PDE6A: variants seen among roughly 807,000 people sequenced by gnomAD.
The protein encoded by PDE6A is rod cGMP-specific 3',5'-cyclic phosphodiesterase subunit alpha.
A neutral mutation model predicts 106.3 loss-of-function variants in PDE6A; 84 were observed. The observed-to-expected ratio is 0.79, with a 90% CI of 0.66 to 0.95. PDE6A has a LOEUF of 0.95. Among genes scored for constraint, PDE6A ranks in the 40% least tolerant of loss-of-function variants. The pLI, the probability that PDE6A is intolerant of heterozygous loss-of-function variation, is 0.00. For missense variants in PDE6A, 1,052 were observed against 1,084.9 expected (o/e 0.97, Z 0.43); for synonymous variants, 394 against 386.6 (o/e 1.02, Z -0.23).
intron 4 of PDE6A, among the ~76,000 whole-genome samples, chr5:149,922,343 G>A (rs537350874): frequency 2.7e-5 from 4 of 150,866 alleles, no homozygotes; most frequent in South Asian, 2.1e-4. Context: ...ACAGGGTCTC[G>A]CTCTGTTGCC....
At chr5:149,940,670 G>A (rs1754305051) in intron 1 of PDE6A, among the ~76,000 whole-genome samples, 1 of 152,020 alleles carries the variant, frequency 6.6e-6, no homozygotes, top group South Asian at 2.1e-4. Flanking sequence ...GCTAATTTTT[G>A]GATTTTTAGT....
chr5:149,937,463 G>A (rs564853077), intron 1 of PDE6A, among the ~76,000 whole-genome samples: 10 of 152,146 alleles, frequency 6.6e-5, no homozygotes, highest in African/African-American at 2.4e-4. Context: ...CTGCAGCCTC[G>A]ACCTCCTGAG....
At chr5:149,930,962 C>G in intron 4 of PDE6A, 66 bp downstream of exon 4, 3 of 1,532,066 alleles carry the variant, frequency 2.0e-6, no homozygotes, top group Non-Finnish European at 1.8e-6. Context: ...TGTGCCAAGA[C>G]TCTAGCCGTC....
At chr5:149,921,513 AAAGGAG>A in intron 5 of PDE6A, 116 bp downstream of exon 5, 1 of 735,372 alleles carries the variant, frequency 1.4e-6, no homozygotes, top group African/African-American at 1.8e-5. Flanking sequence ...TTCTAACTTC[AAAGGAG>A]ACAACCCAAC....
rs758585660 is a variant in PDE6A, at chr5:149,863,236, G to C, written c.2389C>G (p.Pro797Ala). 1 of 1,614,160 alleles carries C rather than the reference G, an allele frequency of 6.2e-7. No homozygotes were observed. The highest frequency in any genetic ancestry group is 2.2e-5 in the East Asian group (1 of 44,884). The change falls in exon 21 of 22, where the codon CCA (proline) becomes GCA (alanine). Residue 797 changes from proline (P) to alanine (A), a missense_variant. Physicochemically the swap from Pro to Ala is conservative, Grantham distance 27 (BLOSUM62 -1). This residue lies in a region of PDE6A where 135 missense variants were observed against 153.2 expected (regional missense o/e 0.88). Transcript: ENST00000255266. This position sits in a 1 kb window ranked among gnomAD's most constrained non-coding sequence, Gnocchi z 4.7. ...EFSRFHEEIT[P>A]MLDGITNNRK... The stretch of plus-strand genomic sequence containing the variant: ...TTGTTGGTGATCCCGTCCAACATTG[G>C]GGTGATCTCCTCGTGGAAACGGGAG...
At chr5:149,868,394 G>A (rs1247366999) in intron 17 of PDE6A, among the ~76,000 whole-genome samples, 1 of 152,190 alleles carries the variant, frequency 6.6e-6, no homozygotes, top group East Asian at 1.9e-4. Flanking sequence ...ACCTCTCTGA[G>A]CCTCCATTTC....
intron 13 of PDE6A, 67 bp from the exon 14 acceptor site, chr5:149,886,441 G>A (rs950494753): frequency 2.0e-5 from 25 of 1,229,440 alleles, no homozygotes; most frequent in Admixed American, 1.1e-4. Flanking sequence ...CTGAAAAGGC[G>A]GGTGTAAGGA....
Position 149,883,539 on chromosome 5 carries a change from A to T in PDE6A, c.2028-3T>A. 4.4e-6 allele frequency: 7 copies of T among 1,597,876 alleles called. No individual in the cohort carries two copies. The highest frequency in any genetic ancestry group is 6.0e-6 in the Non-Finnish European group (7 of 1,165,522). On this transcript the variant is annotated splice_polypyrimidine_tract_variant and splice_region_variant and intron_variant, in intron 16 of 21. Coordinates refer to ENST00000255266, the MANE Select transcript of PDE6A (RefSeq NM_000440.3). ...TCTTTTGGAACATCGTCCTCTTCCT[A>T]CAAAACATATCAGTCTAGTAAAGGG...
At chr5:149,900,259 G>A (rs1379213938) in intron 8 of PDE6A, among the ~76,000 whole-genome samples, 1 of 151,404 alleles carries the variant, frequency 6.6e-6, no homozygotes, top group Admixed American at 6.6e-5. Flanking sequence ...CTACTCGGGA[G>A]GCTGAGATGG....
Position 149,884,770 on chromosome 5 carries a change from C to T in PDE6A, c.1926+10G>A. 1 of 1,612,814 alleles carries T rather than the reference C, an allele frequency of 6.2e-7. No individual in the cohort carries two copies. The highest frequency in any genetic ancestry group is 8.5e-7 in the Non-Finnish European group (1 of 1,178,838). ...CCCCGCGGCCTGTAGACCCTTGGCCCTCATCCTACCTCGTCTCTGAGCAGT... is the reference window on the plus strand; with the variant it reads ...CCCCGCGGCCTGTAGACCCTTGGCCTTCATCCTACCTCGTCTCTGAGCAGT... On this transcript the variant is annotated intron_variant, in intron 15 of 21. Transcript: ENST00000255266.
chr5:149,905,804 C>A (rs989047007), intron 7 of PDE6A, among the ~76,000 whole-genome samples: 3 of 152,216 alleles, frequency 2.0e-5, no homozygotes, highest in Admixed American at 1.3e-4. Flanking sequence ...TGCCTGCAGT[C>A]CTAGTCCTTC....
rs151190368 is a variant in PDE6A, at chr5:149,928,821, T to C, written c.858+2207A>G. Among the ~76,000 whole-genome samples the C allele has an allele frequency of 7.0e-3, 1,069 of 152,314 alleles. 15 individuals carry two copies. Among genetic ancestry groups the C allele is most frequent in the African/African-American group, 0.024 (1,011 of 41,568 alleles). On this transcript the variant is annotated intron_variant, in intron 4 of 21. Coordinates refer to ENST00000255266, the MANE Select transcript of PDE6A (RefSeq NM_000440.3). ...TGAGATAAAAAAGACAATGTGATTTTTTTAAATGGAGGAGAAACTTGAACA... is the reference window on the plus strand; with the variant it reads ...TGAGATAAAAAAGACAATGTGATTTCTTTAAATGGAGGAGAAACTTGAACA...
intron 1 of PDE6A, among the ~76,000 whole-genome samples, chr5:149,936,158 A>AAAGGAGGGAAGGAAGGAAGGAAGGAAGG (rs1754175111): frequency 1.5e-5 from 2 of 130,636 alleles, no homozygotes; most frequent in African/African-American, 6.4e-5. Flanking sequence ...TGTCTCTAAA[A>AAAGGAGGGAAGGAAGGAAGGAAGGAAGG]AAGGAAGGAA....
chr5:149,896,921 A>G (rs1403447056), intron 10 of PDE6A, 145 bp from the exon 11 acceptor site: 7 of 898,382 alleles, frequency 7.8e-6, no homozygotes, highest in Non-Finnish European at 1.3e-5. Flanking sequence ...ATTGATGCAC[A>G]AGGTCCTGGG....
intron 1 of PDE6A, among the ~76,000 whole-genome samples, chr5:149,937,811 AG>A (rs1754227187): frequency 6.6e-6 from 1 of 152,196 alleles, no homozygotes; most frequent in Non-Finnish European, 1.5e-5. Flanking sequence ...AATAATGACT[AG>A]GCTCAGAGCC....
rs1192171252 is a variant in PDE6A, at chr5:149,863,905, T to A, written c.2359-639A>T. The stretch of plus-strand genomic sequence containing the variant: ...TCTCAAAGTGCTGGGATTACAGGCA[T>A]GAGCCACCATGCTCAACCCAAGCTG... On this transcript the variant is annotated intron_variant, in intron 20 of 21. Coordinates refer to ENST00000255266, the MANE Select transcript of PDE6A (RefSeq NM_000440.3). The surrounding 1 kb of genome is among the most constrained non-coding windows in gnomAD (Gnocchi z 4.7). 6.6e-6 allele frequency among the ~76,000 whole-genome samples: 1 copy of A among 152,216 alleles called. No homozygotes were observed. Among genetic ancestry groups the A allele is most frequent in the Non-Finnish European group, 1.5e-5 (1 of 68,034 alleles).
chr5:149,899,324 A>G (rs1309713332), intron 9 of PDE6A, 51 bp downstream of exon 9: 1 of 1,602,012 alleles, frequency 6.2e-7, no homozygotes, highest in Non-Finnish European at 8.6e-7. Flanking sequence ...AGCCTCCCCC[A>G]GCAAGCTGAC....
chr5:149,886,452 G>A, intron 13 of PDE6A, 78 bp from the exon 14 acceptor site: 3 of 1,054,884 alleles, frequency 2.8e-6, no homozygotes. Context: ...GGTGTAAGGA[G>A]GAGGGCCCAG....
At chr5:149,871,067 T>A (rs552263405) in intron 17 of PDE6A, among the ~76,000 whole-genome samples, 13 of 152,162 alleles carry the variant, frequency 8.5e-5, no homozygotes, top group Non-Finnish European at 1.0e-4. Context: ...CCCTCTGTAA[T>A]GGACAGAATG....
Sources: allele counts gnomAD v4.1 joint callset (sites outside exome capture counted in the v4.1 genomes callset), GRCh38; gene constraint gnomAD v4.1.1; regional missense constraint gnomAD v4.1.1; non-coding constraint Gnocchi (gnomAD v3.1); transcripts MANE v1.5; gene names NCBI Gene and HGNC (gene_info 2026-07-23, HGNC 2026-07-21).